The following DIAPH1 variants were observed in gnomAD, a reference collection of about 807,000 sequenced individuals.
DIAPH1 encodes protein diaphanous homolog 1.
DIAPH1 carries 46 observed loss-of-function variants against 140.7 expected under a neutral mutation model. That is an observed-to-expected ratio of 0.33 (90% CI 0.26 to 0.42). DIAPH1 has a LOEUF of 0.42. DIAPH1 is among the 10% of genes least tolerant of loss of function. DIAPH1 has a pLI of 1.00. For synonymous variants in DIAPH1, 565 were observed against 551.6 expected (o/e 1.02, Z -0.34); for missense variants, 1,310 against 1,558.7 (o/e 0.84, Z 2.69).
chr5:141,547,369 G>T (rs928217352), intron 18 of DIAPH1, among the ~76,000 whole-genome samples: 4 of 152,148 alleles, frequency 2.6e-5, no homozygotes, highest in African/African-American at 9.7e-5. Flanking sequence ...GGAGGCTGAG[G>T]CAGGAGAATG....
intron 18 of DIAPH1, among the ~76,000 whole-genome samples, chr5:141,570,814 T>A (rs2154596170): frequency 6.6e-6 from 1 of 152,152 alleles, no homozygotes; most frequent in East Asian, 1.9e-4. Context: ...TCAGGGGAAG[T>A]AACTATAAGT....
In DIAPH1 at chr5:141,583,595, G is replaced by A. The variant is rs760370841; in HGVS notation, c.423C>T (p.Ser141=). ...GAATATACATCATGGCAGACTTAGA[G>A]CTCTCCTTCTGGCTCATGCCCTAGA... ...TSKAGMSQKE[S]SKSAMMYIQE... Residue 141 remains serine, a synonymous_variant, in exon 5 of 28, where the codon AGC becomes AGT. Coordinates refer to ENST00000389054, the MANE Select transcript of DIAPH1 (RefSeq NM_005219.5). 3 of 1,614,244 alleles carry A rather than the reference G, an allele frequency of 1.9e-6. No homozygotes were observed. The highest frequency in any genetic ancestry group is 1.7e-5 in the Admixed American group (1 of 60,024).
Position 141,571,428 on chromosome 5 carries a change from C to CT in DIAPH1, c.2481dup (p.Ala828SerfsTer48). The CT allele has an allele frequency of 6.2e-7, 1 of 1,609,700 alleles. No homozygotes were observed. Among genetic ancestry groups the CT allele is most frequent in the East Asian group, 2.2e-5 (1 of 44,826 alleles). On this transcript the variant is annotated frameshift_variant and splice_region_variant, in exon 18 of 28. Transcript: ENST00000389054. LOFTEE classifies it high-confidence loss of function. Reference sequence around the variant, plus strand: ...CTAAAAGGCTCTTTTGTATTCTTACCTTTGGAAGCTTCAGGAGCAAAGTGC... The same window carrying CT: ...CTAAAAGGCTCTTTTGTATTCTTACCTTTTGGAAGCTTCAGGAGCAAAGTGC...
At chr5:141,527,460 GTTTT>G (rs1330394004) in intron 24 of DIAPH1, 109 bp downstream of exon 24, 1 of 1,200,710 alleles carries the variant, frequency 8.3e-7, no homozygotes, top group East Asian at 2.5e-5. Context: ...AAGAAAAAGA[GTTTT>G]TTAAGAGAAA....
intron 1 of DIAPH1, among the ~76,000 whole-genome samples, chr5:141,615,581 A>T (rs866933585): frequency 6.6e-6 from 1 of 152,050 alleles, no homozygotes; most frequent in Non-Finnish European, 1.5e-5. Flanking sequence ...CTCTACTAAA[A>T]ATACAAAAAA....
At chr5:141,614,005 G>C (rs1396651757) in intron 1 of DIAPH1, among the ~76,000 whole-genome samples, 1 of 152,178 alleles carries the variant, frequency 6.6e-6, no homozygotes, top group Non-Finnish European at 1.5e-5. Flanking sequence ...GTGTGGCTTT[G>C]TCTCACCTAA....
chr5:141,578,453 T>A, intron 10 of DIAPH1, 62 bp downstream of exon 10: 1 of 1,531,344 alleles, frequency 6.5e-7, no homozygotes, highest in Non-Finnish European at 9.1e-7. Context: ...TCCCCGGGAT[T>A]ATTGGGGCTG....
At chr5:141,549,528 T>C (rs1367757234) in intron 18 of DIAPH1, among the ~76,000 whole-genome samples, 1 of 152,108 alleles carries the variant, frequency 6.6e-6, no homozygotes, top group Non-Finnish European at 1.5e-5. Flanking sequence ...TCTGACCATA[T>C]CTAACAAAGT....
In DIAPH1 at chr5:141,532,852, T is replaced by C. The variant is rs144105639; in HGVS notation, c.2581+1483A>G. Among the ~76,000 whole-genome samples the C allele has an allele frequency of 8.3e-3, 1,257 of 152,354 alleles. 14 individuals are homozygous for C. Among genetic ancestry groups the C allele is most frequent in the Non-Finnish European group, 0.011 (722 of 68,032 alleles). ...CTAGAAATCATAATGTACTACACCATTGTCTTTCTTGTATCATTTTTTAAA... is the reference window on the plus strand; with the variant it reads ...CTAGAAATCATAATGTACTACACCACTGTCTTTCTTGTATCATTTTTTAAA... On this transcript the variant is annotated intron_variant, in intron 19 of 27. Transcript: ENST00000389054.
chr5:141,520,691 A>T (rs766613256), intron 27 of DIAPH1, among the ~76,000 whole-genome samples: 11 of 152,186 alleles, frequency 7.2e-5, no homozygotes, highest in Admixed American at 1.3e-4. Context: ...ACAGGTGGTC[A>T]TGAGAGCACC....
At chr5:141,600,424 G>A (rs1026151975) in intron 1 of DIAPH1, among the ~76,000 whole-genome samples, 2 of 152,172 alleles carry the variant, frequency 1.3e-5, no homozygotes, top group East Asian at 3.8e-4. Flanking sequence ...GAGCTAATAA[G>A]TGTGTTTGTT....
chr5:141,616,247 T>C (rs2099902659), intron 1 of DIAPH1, among the ~76,000 whole-genome samples: 1 of 152,202 alleles, frequency 6.6e-6, no homozygotes, highest in Non-Finnish European at 1.5e-5. Flanking sequence ...TCTCAGACAA[T>C]TTGTGAGCTC....
chr5:141,528,458 C>G lies in DIAPH1; in HGVS notation c.3143G>C (p.Ser1048Thr). Residue 1048 changes from serine (S) to threonine (T), a missense_variant, in exon 23 of 28, where the codon AGC (serine) becomes ACC (threonine). Coordinates refer to ENST00000389054, the MANE Select transcript of DIAPH1 (RefSeq NM_005219.5). The stretch of plus-strand genomic sequence containing the variant: ...TTCATTCCAAACTGCCCCACCTCGG[C>G]TGGCTTTCTCCACATGGGCAAGCTC... ...PDELAHVEKASRVSAENLQKN... is the reference protein window; with the variant it reads ...PDELAHVEKATRVSAENLQKN... The G allele has an allele frequency of 2.5e-6, 4 of 1,614,212 alleles. No individual in the cohort carries two copies. The highest frequency in any genetic ancestry group is 3.4e-6 in the Non-Finnish European group (4 of 1,180,038).
At chr5:141,603,645 T>C (rs1203715659) in intron 1 of DIAPH1, among the ~76,000 whole-genome samples, 1 of 152,220 alleles carries the variant, frequency 6.6e-6, no homozygotes, top group Non-Finnish European at 1.5e-5. Context: ...TTTGAAATAA[T>C]TTACTTATAA....
Position 141,529,220 on chromosome 5 carries a change from C to T in DIAPH1, c.2730G>A (p.Leu910=). The T allele has an allele frequency of 6.2e-7, 1 of 1,614,194 alleles. No individual in the cohort carries two copies. The highest frequency in any genetic ancestry group is 8.5e-7 in the Non-Finnish European group (1 of 1,180,040). The change falls in exon 21 of 28, where the codon CTG becomes CTA. Residue 910 remains leucine, a synonymous_variant. Transcript: ENST00000389054. ...CAGCCAGGTCATCATATTCATCCTT[C>T]AGTTCAGAAAGCATTTTTAACTGCT... ...EPEQLKMLSE[L]KDEYDDLAES...
At chr5:141,583,397 A>G in intron 5 of DIAPH1, 88 bp downstream of exon 5, 1 of 1,609,604 alleles carries the variant, frequency 6.2e-7, no homozygotes, top group Non-Finnish European at 8.5e-7. Context: ...GACTATTCTC[A>G]TGCTTCCCTG....
intron 1 of DIAPH1, among the ~76,000 whole-genome samples, chr5:141,616,657 G>C (rs980490510): frequency 1.2e-4 from 19 of 152,184 alleles, no homozygotes; most frequent in African/African-American, 4.6e-4. Flanking sequence ...CTGATGCCTT[G>C]AGATAGGTTA....
chr5:141,606,228 CT>C (rs570292737), intron 1 of DIAPH1, among the ~76,000 whole-genome samples: 286 of 152,184 alleles, frequency 1.9e-3, no homozygotes, highest in African/African-American at 6.3e-3. Context: ...ACCCTGAGGA[CT>C]TGAAAACTCT....
At chr5:141,581,170 C>T (rs1168859233) in intron 7 of DIAPH1, among the ~76,000 whole-genome samples, 2 of 152,238 alleles carry the variant, frequency 1.3e-5, no homozygotes, top group East Asian at 1.9e-4. Flanking sequence ...AGAGGGAGAA[C>T]ACCATGTGAT....
Sources: allele counts gnomAD v4.1 joint callset (sites outside exome capture counted in the v4.1 genomes callset), GRCh38; gene constraint gnomAD v4.1.1; transcripts MANE v1.5; gene names NCBI Gene and HGNC (gene_info 2026-07-23, HGNC 2026-07-21).